The following SLC7A5 variants were observed in gnomAD, a reference collection of about 807,000 sequenced individuals.
SLC7A5 encodes the protein large neutral amino acids transporter small subunit 1.
In SLC7A5, 23 loss-of-function variants were observed where a neutral mutation model predicts 50.2. That is an observed-to-expected ratio of 0.46 (90% CI 0.33 to 0.65). The LOEUF (loss-of-function observed/expected upper bound fraction) is 0.65. SLC7A5 is among the 30% of genes least tolerant of loss of function. SLC7A5 has a pLI of 0.02. For missense variants in SLC7A5, 578 were observed against 684.4 expected (o/e 0.84, Z 1.73); for synonymous variants, 393 against 330.6 (o/e 1.19, Z -2.05).
At position 87,841,150 on chromosome 16, in the gene SLC7A5, C is replaced by T. The variant is rs752235284; in HGVS notation, c.670G>A (p.Val224Met). 2 of 1,606,812 alleles carry T rather than the reference C, an allele frequency of 1.2e-6. No homozygotes were observed. The highest frequency in any genetic ancestry group is 2.2e-5 in the East Asian group (1 of 44,856). The change falls in exon 3 of 10, where the codon GTG becomes ATG. Residue 224 changes from valine (V) to methionine (M), a missense_variant. By Grantham distance (21) the Val-to-Met change is conservative. Transcript: ENST00000261622. The surrounding 1 kb of genome is among the most constrained non-coding windows in gnomAD (Gnocchi z 4.8). Reference protein sequence around the residue: ...LGFVQIGKGDVSNLDPNFSFE... With the variant: ...LGFVQIGKGDMSNLDPNFSFE... ...GAGAAGTTGGGATCTAGATTGGACA[C>T]ATCACCTGGCAGGGCCAAAGAAAGG...
rs1415945745 is a variant in SLC7A5 at position 87,841,677 on chromosome 16, C to G, written c.665-522G>C. Among the ~76,000 whole-genome samples, 1 of 152,198 alleles carries G rather than the reference C, an allele frequency of 6.6e-6. No homozygotes were observed. The highest frequency in any genetic ancestry group is 2.4e-5 in the African/African-American group (1 of 41,452). On this transcript the variant is annotated intron_variant, in intron 2 of 9. Coordinates refer to ENST00000261622, the MANE Select transcript of SLC7A5 (RefSeq NM_003486.7). The surrounding 1 kb of genome is among the most constrained non-coding windows in gnomAD (Gnocchi z 4.8). ...GCCTGGGCAAGAACATAGGTTTGTC[C>G]TGGACCGTGCTGAGTGTGTGGCCAG...
intron 1 of SLC7A5, among the ~76,000 whole-genome samples, chr16:87,856,789 G>A (rs571037846): frequency 1.3e-5 from 2 of 152,268 alleles, no homozygotes; most frequent in South Asian, 2.1e-4. Context: ...CTTCTCCACC[G>A]ACAGACAGCC....
At position 87,841,721 on chromosome 16, in the gene SLC7A5, C is replaced by G. The variant is rs1379334800; in HGVS notation, c.665-566G>C. Among the ~76,000 whole-genome samples the G allele has an allele frequency of 6.6e-6, 1 of 152,188 alleles. No homozygotes were observed. The highest frequency in any genetic ancestry group is 6.5e-5 in the Admixed American group (1 of 15,284). On this transcript the variant is annotated intron_variant, in intron 2 of 9. Transcript: ENST00000261622. The surrounding 1 kb of genome is among the most constrained non-coding windows in gnomAD (Gnocchi z 4.8). ...TGGCCAGCTGCAGCCGGGGCAGGGG[C>G]AGGAGCAGGGCTGCCAGGGCCGAGA...
In SLC7A5 at chr16:87,853,602, C is replaced by A. The variant is rs886874438; in HGVS notation, c.539-1753G>T. ...GTGGGTCTAGGCAGCTCCTTGTCCGCTGCACAGGGCAAGGGGCAGGTCCTG... is the reference window on the plus strand; with the variant it reads ...GTGGGTCTAGGCAGCTCCTTGTCCGATGCACAGGGCAAGGGGCAGGTCCTG... On this transcript the variant is annotated intron_variant, in intron 1 of 9. Coordinates refer to ENST00000261622, the MANE Select transcript of SLC7A5 (RefSeq NM_003486.7). This position sits in a 1 kb window ranked among gnomAD's most constrained non-coding sequence, Gnocchi z 4.4. 3.9e-5 allele frequency among the ~76,000 whole-genome samples: 6 copies of A among 152,152 alleles called. No individual in the cohort carries two copies. The highest frequency in any genetic ancestry group is 1.4e-4 in the African/African-American group (6 of 41,436).
chr16:87,838,722 T>C lies in SLC7A5; in HGVS notation c.1035A>G (p.Thr345=). 1.2e-6 allele frequency: 2 copies of C among 1,613,270 alleles called. No individual in the cohort carries two copies. The highest frequency in any genetic ancestry group is 8.5e-7 in the Non-Finnish European group (1 of 1,179,362). Residue 345 remains threonine, a synonymous_variant, in exon 6 of 10, where the codon ACA becomes ACG. Transcript: ENST00000261622. ...CFGSVNGSLF[T]SSRLFFVGSR... ...GGTCGGGCTGTGCTCACCTGGAGGATGTGAACAGGGACCCATTGACGGAGC... is the reference window on the plus strand; with the variant it reads ...GGTCGGGCTGTGCTCACCTGGAGGACGTGAACAGGGACCCATTGACGGAGC...
chr16:87,834,340 G>A lies in SLC7A5; in HGVS notation c.1468+74C>T, dbSNP rs1040434150. The A allele has an allele frequency of 1.4e-5, 20 of 1,461,052 alleles. 1 individual carries two copies. The highest frequency in any genetic ancestry group is 1.2e-4 in the South Asian group (10 of 81,916). The allele number at this position is 1,461,052 out of a possible 1,614,324, so 90.5% of individuals were successfully genotyped here. A position where few individuals can be genotyped will look rare whatever the true frequency, so the allele number is the denominator to read the frequency against. On this transcript the variant is annotated intron_variant, in intron 9 of 9. Transcript: ENST00000261622. Reference sequence around the variant, plus strand: ...CGCTTCGCCCCATGTGGGTGGAGACGGCCGACGCCTCTCAACTCCCTTCGC... The same window carrying A: ...CGCTTCGCCCCATGTGGGTGGAGACAGCCGACGCCTCTCAACTCCCTTCGC...
intron 8 of SLC7A5, 113 bp downstream of exon 8, chr16:87,836,385 G>A: frequency 8.2e-7 from 1 of 1,226,528 alleles, no homozygotes; most frequent in South Asian, 1.2e-5. Context: ...CATGCAGGCA[G>A]GGGCAGGTCC....
In SLC7A5 at chr16:87,832,710, A is replaced by C; in HGVS notation, c.*260T>G. ...TATATATAAGTAAACAAAGGAGGGAAGGGAAAAAGGGCCCAAGGAGACCAA... is the reference window on the plus strand; with the variant it reads ...TATATATAAGTAAACAAAGGAGGGACGGGAAAAAGGGCCCAAGGAGACCAA... On this transcript the variant is annotated 3_prime_UTR_variant, in exon 10 of 10. Coordinates refer to ENST00000261622, the MANE Select transcript of SLC7A5 (RefSeq NM_003486.7). This position sits in a 1 kb window ranked among gnomAD's most constrained non-coding sequence, Gnocchi z 4.6. The C allele has an allele frequency of 1.5e-5, 5 of 332,690 alleles. No individual in the cohort carries two copies. The highest frequency in any genetic ancestry group is 5.8e-5 in the East Asian group (1 of 17,154). 20.6% of individuals were successfully genotyped at this position (332,690 alleles called of 1,614,324 possible). A position where few individuals can be genotyped will look rare whatever the true frequency, so the allele number is the denominator to read the frequency against.
At position 87,862,227 on chromosome 16, in the gene SLC7A5, G is replaced by C. The variant is rs550128376; in HGVS notation, c.538+6658C>G. ...GCTGGATACCCCAGCGGTTGGGGGG[G>C]TGGTGCTGGACACCCAGGGGGCAGA... On this transcript the variant is annotated intron_variant, in intron 1 of 9. Transcript: ENST00000261622. This position sits in a 1 kb window ranked among gnomAD's most constrained non-coding sequence, Gnocchi z 5.3. 5.3e-5 allele frequency among the ~76,000 whole-genome samples: 8 copies of C among 152,268 alleles called. No individual in the cohort carries two copies. Among genetic ancestry groups the C allele is most frequent in the Admixed American group, 4.6e-4 (7 of 15,306 alleles).
intron 1 of SLC7A5, among the ~76,000 whole-genome samples, chr16:87,863,065 C>T (rs368060547): frequency 4.7e-4 from 71 of 152,360 alleles, no homozygotes; most frequent in East Asian, 3.9e-3. Context: ...CCAACTGGGA[C>T]AGGGAAACAG....
rs770492656 is a variant in SLC7A5, at chr16:87,868,946, C to A, written c.477G>T (p.Pro159=). 39 of 1,609,744 alleles carry A rather than the reference C, an allele frequency of 2.4e-5. No individual in the cohort carries two copies. The South Asian group carries it at 4.3e-4, about 18-fold the overall frequency. ...CGGGCACCGGGCAGGTGGGGAAGAG[C>A]GGCTTGAGCAGGTAGGTGGCGAAGA... ...ALVFATYLLK[P]LFPTCPVPEE... is the part of the protein sequence containing the mutation. Residue 159 remains proline (P), a synonymous_variant, in exon 1 of 10, where the codon CCG becomes CCT. Transcript: ENST00000261622.
chr16:87,835,686 G>A (rs922461158), intron 8 of SLC7A5, among the ~76,000 whole-genome samples: 2 of 152,098 alleles, frequency 1.3e-5, no homozygotes, highest in Non-Finnish European at 2.9e-5. Context: ...GTGTTAGCCA[G>A]GATGGTCTCT....
At chr16:87,840,330 T>C (rs1471586120) in intron 4 of SLC7A5, 99 bp downstream of exon 4, 13 of 1,109,204 alleles carry the variant, frequency 1.2e-5, no homozygotes, top group Middle Eastern at 2.0e-4. Flanking sequence ...GACTGTGAAC[T>C]GGCCTGAGCC....
chr16:87,848,630 CAG>C (rs1420499739), intron 2 of SLC7A5, among the ~76,000 whole-genome samples: 2 of 152,196 alleles, frequency 1.3e-5, no homozygotes, highest in African/African-American at 4.8e-5. Context: ...CAGGCCCCTG[CAG>C]AGTCGCCCCT....
chr16:87,835,370 G>A (rs1374760143), intron 8 of SLC7A5, among the ~76,000 whole-genome samples: 1 of 152,254 alleles, frequency 6.6e-6, no homozygotes, highest in African/African-American at 2.4e-5. Flanking sequence ...CCTAGGCACT[G>A]CCCCAGGCTG....
chr16:87,868,780 G>A, intron 1 of SLC7A5, 105 bp downstream of exon 1: 1 of 1,211,002 alleles, frequency 8.3e-7, no homozygotes, highest in Non-Finnish European at 1.2e-6. Flanking sequence ...GATGGTCCAG[G>A]AACGTAAAGA....
chr16:87,850,913 C>T (rs967471796), intron 2 of SLC7A5, among the ~76,000 whole-genome samples: 1 of 152,184 alleles, frequency 6.6e-6, no homozygotes, highest in Non-Finnish European at 1.5e-5. Context: ...AGACACCCAG[C>T]AAAATACCAA....
chr16:87,858,370 G>C (rs2143813806), intron 1 of SLC7A5, among the ~76,000 whole-genome samples: 1 of 152,308 alleles, frequency 6.6e-6, no homozygotes, highest in Non-Finnish European at 1.5e-5. Context: ...CCAGTGATAA[G>C]GAGTTGCCAC....
chr16:87,858,593 C>G (rs1349583272), intron 1 of SLC7A5, among the ~76,000 whole-genome samples: 1 of 152,192 alleles, frequency 6.6e-6, no homozygotes, highest in Non-Finnish European at 1.5e-5. Context: ...GGTTGTCCCA[C>G]TTGGTGAAAG....
Sources: allele counts gnomAD v4.1 joint callset (sites outside exome capture counted in the v4.1 genomes callset), GRCh38; gene constraint gnomAD v4.1.1; non-coding constraint Gnocchi (gnomAD v3.1); transcripts MANE v1.5; gene names NCBI Gene and HGNC (gene_info 2026-07-23, HGNC 2026-07-21).